SPI1: variants seen among roughly 807,000 people sequenced by gnomAD.
The protein encoded by SPI1 is Spi-1 proto-oncogene.
Under a neutral mutation model 30.7 loss-of-function variants are expected in SPI1, and 3 were observed. That is an observed-to-expected ratio of 0.10 (90% CI 0.04 to 0.25). The LOEUF (loss-of-function observed/expected upper bound fraction) is 0.25. Ranked by LOEUF, SPI1 falls within the 10% of genes least tolerant of loss-of-function variation. The pLI, the probability that SPI1 is intolerant of heterozygous loss-of-function variation, is 1.00. For missense variants in SPI1, 261 were observed against 371.5 expected (o/e 0.70, Z 2.45); for synonymous variants, 169 against 157.1 (o/e 1.08, Z -0.56).
At chr11:47,360,478 C>T (rs1237375634) in intron 2 of SPI1, among the ~76,000 whole-genome samples, 1 of 152,164 alleles carries the variant, frequency 6.6e-6, no homozygotes, top group Non-Finnish European at 1.5e-5. Flanking sequence ...TTGTAAAACA[C>T]CTCGCACCAG....
chr11:47,373,070 C>T lies in SPI1; in HGVS notation c.142+2563G>A, dbSNP rs946912078. Among the ~76,000 whole-genome samples the T allele has an allele frequency of 5.3e-5, 8 of 152,184 alleles. No homozygotes were observed. The South Asian group carries it at 1.2e-3, about 24-fold the overall frequency. On this transcript the variant is annotated intron_variant, in intron 2 of 4. Transcript: ENST00000378538. ...CCAGCGGGTATAAAAAGGGACAGCC[C>T]GGCCGGGCGCAGTGGCTCACGCCTG...
chr11:47,370,012 A>T (rs1252964290), intron 2 of SPI1, among the ~76,000 whole-genome samples: 1 of 152,220 alleles, frequency 6.6e-6, no homozygotes, highest in Non-Finnish European at 1.5e-5. Context: ...GATCTTGCCC[A>T]TGGTCACCCG....
At chr11:47,360,669 A>G (rs1018512854) in intron 2 of SPI1, among the ~76,000 whole-genome samples, 2 of 151,664 alleles carry the variant, frequency 1.3e-5, no homozygotes, top group African/African-American at 4.9e-5. Context: ...CTACTAAAAT[A>G]CAAAATATTA....
rs1205935782 is a variant in SPI1, at chr11:47,372,132, C to T, written c.142+3501G>A. ...TTTTTTTTTTTTTTTGCTGGAGTCT[C>T]GCTTTGTCTGTCACCAGGTTGGAGT... On this transcript the variant is annotated intron_variant, in intron 2 of 4. Transcript: ENST00000378538. Among the ~76,000 whole-genome samples the T allele has an allele frequency of 7.4e-5, 11 of 149,056 alleles. No homozygotes were observed. The East Asian group carries it at 1.9e-3, about 26-fold the overall frequency.
At chr11:47,356,024 TCACA>T (rs765539590) in intron 4 of SPI1, among the ~76,000 whole-genome samples, 1 of 149,646 alleles carries the variant, frequency 6.7e-6, no homozygotes, top group African/African-American at 2.5e-5. Flanking sequence ...ACACATGCTG[TCACA>T]CACATGCACA....
chr11:47,358,702 A>G, intron 4 of SPI1, 142 bp downstream of exon 4: 1 of 873,046 alleles, frequency 1.1e-6, no homozygotes, highest in Non-Finnish European at 1.8e-6. Context: ...ACAGCCCCAC[A>G]AAACACACAC....
At chr11:47,355,928 CCA>C (rs1379068079) in intron 4 of SPI1, among the ~76,000 whole-genome samples, 1 of 150,514 alleles carries the variant, frequency 6.6e-6, no homozygotes, top group Non-Finnish European at 1.5e-5. Context: ...CTTCTCACAC[CCA>C]CTCACACTCA....
In SPI1 at chr11:47,359,302, G is replaced by C. The variant is rs918920488; in HGVS notation, c.331-296C>G. Among the ~76,000 whole-genome samples the C allele has an allele frequency of 2.6e-5, 4 of 152,166 alleles. No homozygotes were observed. Among genetic ancestry groups the C allele is most frequent in the Non-Finnish European group, 5.9e-5 (4 of 68,012 alleles). ...GGTGCCTTGTTCTCCTCCCTGCAGC[G>C]GTGCTGTGTGGACCCGCATTAGGCT... On this transcript the variant is annotated intron_variant, in intron 3 of 4. Transcript: ENST00000378538. The surrounding 1 kb of genome is among the most constrained non-coding windows in gnomAD (Gnocchi z 5.1).
Position 47,358,888 on chromosome 11 carries a change from G to A in SPI1, c.449C>T (p.Ala150Val), listed in dbSNP as rs370953870. Reference protein sequence around the residue: ...SPPLEVSDGEADGLEPGPGLL... With the variant: ...SPPLEVSDGEVDGLEPGPGLL... The stretch of plus-strand genomic sequence containing the variant: ...CCCAGGCCCGGGCTCCAGGCCATCC[G>A]CCTCGCCGTCAGACACCTCCAGTGG... Residue 150 changes from alanine to valine, a missense_variant, in exon 4 of 5, where the codon GCG becomes GTG. Around this residue, in one of 5 missense-constraint regions of SPI1, gnomAD observed 106 missense variants for 102.0 expected, o/e 1.04. Transcript: ENST00000378538. The A allele has an allele frequency of 5.8e-6, 9 of 1,557,960 alleles. No individual in the cohort carries two copies. The highest frequency in any genetic ancestry group is 2.7e-5 in the African/African-American group (2 of 74,296).
At chr11:47,371,701 A>T (rs2095936243) in intron 2 of SPI1, among the ~76,000 whole-genome samples, 1 of 152,092 alleles carries the variant, frequency 6.6e-6, no homozygotes, top group Middle Eastern at 3.4e-3. Context: ...ATGTATTTAA[A>T]TTTTCAGCAC....
rs2095916372 is a variant in SPI1, at chr11:47,358,874, G to A, written c.463C>T (p.Pro155Ser). Reference sequence around the variant, plus strand: ...TCCCCAGGCAGGAGCCCAGGCCCGGGCTCCAGGCCATCCGCCTCGCCGTCA... The same window carrying A: ...TCCCCAGGCAGGAGCCCAGGCCCGGACTCCAGGCCATCCGCCTCGCCGTCA... ...VSDGEADGLE[P>S]GPGLLPGETG... Residue 155 changes from proline to serine, a missense_variant, in exon 4 of 5, where the codon CCC becomes TCC. This residue lies in a region of SPI1 where 106 missense variants were observed against 102.0 expected (regional missense o/e 1.04). Transcript: ENST00000378538. The A allele has an allele frequency of 6.4e-7, 1 of 1,552,690 alleles. No homozygotes were observed. Among genetic ancestry groups the A allele is most frequent in the Non-Finnish European group, 8.7e-7 (1 of 1,147,292 alleles).
Position 47,358,886 on chromosome 11 carries a change from C to T in SPI1, c.451G>A (p.Asp151Asn), listed in dbSNP as rs1296919532. ...PPLEVSDGEA[D>N]GLEPGPGLLP... Reference sequence around the variant, plus strand: ...AGCCCAGGCCCGGGCTCCAGGCCATCCGCCTCGCCGTCAGACACCTCCAGT... The same window carrying T: ...AGCCCAGGCCCGGGCTCCAGGCCATTCGCCTCGCCGTCAGACACCTCCAGT... The change falls in exon 4 of 5, where the codon GAT becomes AAT. Residue 151 changes from aspartate (D) to asparagine (N), a missense_variant. Asp to Asn is a conservative substitution (Grantham distance 23). This residue lies in a region of SPI1 where 106 missense variants were observed against 102.0 expected (regional missense o/e 1.04). Transcript: ENST00000378538. The T allele has an allele frequency of 3.2e-6, 5 of 1,556,190 alleles. No homozygotes were observed. In the East Asian group the frequency reaches 9.4e-5, roughly 29 times the overall value.
At chr11:47,370,060 C>A (rs994530828) in intron 2 of SPI1, among the ~76,000 whole-genome samples, 22 of 152,188 alleles carry the variant, frequency 1.4e-4, no homozygotes, top group Non-Finnish European at 2.2e-4. Context: ...GTTTCAGCAG[C>A]CTGGTTTCAG....
chr11:47,369,487 A>T (rs1199894131), intron 2 of SPI1, among the ~76,000 whole-genome samples: 1 of 150,896 alleles, frequency 6.6e-6, no homozygotes, highest in African/African-American at 2.4e-5. Flanking sequence ...TAAAAAGCTT[A>T]CTCAGTTGAA....
Position 47,359,928 on chromosome 11 carries a change from G to T in SPI1, c.255C>A (p.Tyr85Ter). 6.2e-7 allele frequency: 1 copy of T among 1,611,592 alleles called. No homozygotes were observed. The highest frequency in any genetic ancestry group is 8.5e-7 in the Non-Finnish European group (1 of 1,179,808). ...GCATCTGCTCCAGCTCCATGTGGCG[G>T]TAGAGCTGCTGCAGCTGCGGGGGCT... ...SVQPPQLQQL[Y>*]RHMELEQMHV... Residue 85 changes from tyrosine (Y) to a stop codon, truncating the protein, a stop_gained, in exon 3 of 5, where the codon TAC (tyrosine) becomes TAA (stop). Coordinates refer to ENST00000378538, the MANE Select transcript of SPI1 (RefSeq NM_003120.3). LOFTEE classifies it high-confidence loss of function. The surrounding 1 kb of genome is among the most constrained non-coding windows in gnomAD (Gnocchi z 5.1).
intron 2 of SPI1, among the ~76,000 whole-genome samples, chr11:47,361,857 A>AT (rs1258482777): frequency 6.6e-6 from 1 of 151,950 alleles, no homozygotes; most frequent in Non-Finnish European, 1.5e-5. Flanking sequence ...TGGACAAGAC[A>AT]TTTTTTTCTC....
At chr11:47,373,517 G>A (rs2095938533) in intron 2 of SPI1, among the ~76,000 whole-genome samples, 2 of 146,616 alleles carry the variant, frequency 1.4e-5, no homozygotes, top group Admixed American at 6.8e-5. Flanking sequence ...GCATGGTAGT[G>A]CACGATTGTA....
chr11:47,358,606 A>G (rs2095915723), intron 4 of SPI1: 1 of 704,362 alleles, frequency 1.4e-6, no homozygotes, highest in Admixed American at 2.0e-5. Context: ...CACTCATGGC[A>G]CAGAGAGACA....
chr11:47,362,227 A>T lies in SPI1; in HGVS notation c.143-2187T>A, dbSNP rs143752299. On this transcript the variant is annotated intron_variant, in intron 2 of 4. Transcript: ENST00000378538. The stretch of plus-strand genomic sequence containing the variant: ...GGCACAAAGACAGACCTTGATAAAC[A>T]TTAACTTCATCATTATCATTATTAT... 2.4e-3 allele frequency among the ~76,000 whole-genome samples: 362 copies of T among 152,270 alleles called. 3 individuals are homozygous for T. The highest frequency in any genetic ancestry group is 8.0e-3 in the African/African-American group (334 of 41,538).
Sources: gnomAD v4.1 joint callset for allele counts (sites outside exome capture counted in the v4.1 genomes callset) on GRCh38, gnomAD v4.1.1 for gene constraint, gnomAD v4.1.1 regional missense constraint, Gnocchi (gnomAD v3.1) non-coding constraint, MANE v1.5 for transcripts, NCBI Gene and HGNC (gene_info 2026-07-23, HGNC 2026-07-21) for gene names.